Variants in CNTN5 observed in about 807,000 individuals in gnomAD.
CNTN5 encodes the protein contactin-5.
A neutral mutation model predicts 129.1 loss-of-function variants in CNTN5; 77 were observed. That is an observed-to-expected ratio of 0.60 (90% CI 0.50 to 0.72). The LOEUF (loss-of-function observed/expected upper bound fraction) is 0.72. Ranked by LOEUF, CNTN5 falls within the 30% of genes least tolerant of loss-of-function variation. The probability of loss-of-function intolerance (pLI) is 0.00; values close to 1 mark genes in which losing one functional copy is unlikely to be tolerated. For missense variants in CNTN5, 1,478 were observed against 1,328.8 expected (o/e 1.11, Z -1.75); for synonymous variants, 509 against 465.6 (o/e 1.09, Z -1.20).
chr11:99,423,359 C>T (rs961731376), intron 2 of CNTN5, among the ~76,000 whole-genome samples: 1 of 152,146 alleles, frequency 6.6e-6, no homozygotes, highest in Non-Finnish European at 1.5e-5. Flanking sequence ...AGATAGGAAC[C>T]TTATTTTCCA....
intron 1 of CNTN5, among the ~76,000 whole-genome samples, chr11:99,034,638 C>T (rs7396911): frequency 0.027 from 4,071 of 150,706 alleles, 259 homozygotes; most frequent in Admixed American, 0.15. Context: ...TTTTTTATTG[C>T]GTCTATTTGA....
At chr11:99,158,209 C>G (rs1171565315) in intron 1 of CNTN5, among the ~76,000 whole-genome samples, 1 of 152,068 alleles carries the variant, frequency 6.6e-6, no homozygotes, top group Non-Finnish European at 1.5e-5. Flanking sequence ...TGTTCAAAAC[C>G]GAGCTCTTGA....
chr11:99,358,508 C>G (rs1466156497), intron 2 of CNTN5, among the ~76,000 whole-genome samples: 1 of 151,178 alleles, frequency 6.6e-6, no homozygotes, highest in Non-Finnish European at 1.5e-5. Flanking sequence ...TTGCAGCCAG[C>G]CAAGATCGCG....
chr11:99,084,753 A>G (rs1865933421), intron 1 of CNTN5, among the ~76,000 whole-genome samples: 1 of 152,142 alleles, frequency 6.6e-6, no homozygotes, highest in Non-Finnish European at 1.5e-5. Flanking sequence ...AAAGTGCTCT[A>G]AGTTTTAGGA....
At chr11:99,221,372 C>T (rs1860389034) in intron 1 of CNTN5, among the ~76,000 whole-genome samples, 1 of 151,742 alleles carries the variant, frequency 6.6e-6, no homozygotes, top group Non-Finnish European at 1.5e-5. Flanking sequence ...CTTTAAAGTC[C>T]TATACTTTAG....
intron 3 of CNTN5, among the ~76,000 whole-genome samples, chr11:99,595,398 T>C (rs1950095601): frequency 6.6e-6 from 1 of 152,160 alleles, no homozygotes; most frequent in South Asian, 2.1e-4. Context: ...ATTTCCTTAG[T>C]ACCAATGATT....
chr11:99,427,156 G>T (rs986555267), intron 2 of CNTN5, among the ~76,000 whole-genome samples: 4 of 152,118 alleles, frequency 2.6e-5, no homozygotes, highest in African/African-American at 9.7e-5. Context: ...AAGAGTACAT[G>T]AATTATTTAA....
At chr11:100,133,191 A>G (rs1946427627) in intron 13 of CNTN5, among the ~76,000 whole-genome samples, 1 of 152,156 alleles carries the variant, frequency 6.6e-6, no homozygotes, top group African/African-American at 2.4e-5. Context: ...ATGAATAGCA[A>G]CTTACATATG....
chr11:99,162,793 T>A (rs1258890337), intron 1 of CNTN5, among the ~76,000 whole-genome samples: 1 of 152,188 alleles, frequency 6.6e-6, no homozygotes, highest in Non-Finnish European at 1.5e-5. Context: ...ATAAATGGAT[T>A]ACAATTTTTA....
At chr11:99,230,561 T>C (rs977664893) in intron 1 of CNTN5, among the ~76,000 whole-genome samples, 1 of 152,178 alleles carries the variant, frequency 6.6e-6, no homozygotes, top group Non-Finnish European at 1.5e-5. Context: ...ATAAAAGGTT[T>C]TGTCATATCA....
chr11:100,130,554 G>A (rs1379762650), intron 13 of CNTN5, among the ~76,000 whole-genome samples: 3 of 152,138 alleles, frequency 2.0e-5, no homozygotes, highest in Non-Finnish European at 4.4e-5. Flanking sequence ...GACATCACAA[G>A]GTTATCAAGC....
At chr11:100,206,780 T>A (rs1036099526) in intron 15 of CNTN5, among the ~76,000 whole-genome samples, 11 of 152,200 alleles carry the variant, frequency 7.2e-5, no homozygotes, top group African/African-American at 2.4e-4. Flanking sequence ...TACTAAACAA[T>A]AAATTTTTTT....
At chr11:99,455,996 CA>C (rs1381461611) in intron 2 of CNTN5, among the ~76,000 whole-genome samples, 1 of 152,092 alleles carries the variant, frequency 6.6e-6, no homozygotes, top group Non-Finnish European at 1.5e-5. Context: ...GGAGCTCTGT[CA>C]ACACAGGTCT....
intron 7 of CNTN5, among the ~76,000 whole-genome samples, chr11:99,945,212 C>A (rs1950527263): frequency 6.6e-6 from 1 of 151,974 alleles, no homozygotes; most frequent in Non-Finnish European, 1.5e-5. Flanking sequence ...AGTAAAACTA[C>A]TCCTAAACTG....
intron 18 of CNTN5, among the ~76,000 whole-genome samples, chr11:100,278,288 A>C (rs1413647261): frequency 6.6e-6 from 1 of 152,046 alleles, no homozygotes; most frequent in African/African-American, 2.4e-5. Context: ...AGTTTTGGCT[A>C]TTCTAGCTCT....
chr11:99,663,033 A>G (rs796551584), intron 3 of CNTN5, among the ~76,000 whole-genome samples: 3 of 152,360 alleles, frequency 2.0e-5, no homozygotes, highest in African/African-American at 7.2e-5. Flanking sequence ...TAAGAAACTC[A>G]TTAGTTCACA....
At chr11:99,436,283 T>G (rs947651106) in intron 2 of CNTN5, among the ~76,000 whole-genome samples, 33 of 152,074 alleles carry the variant, frequency 2.2e-4, no homozygotes, top group Non-Finnish European at 4.1e-4. Flanking sequence ...AGATAGAATT[T>G]CATAGGATGC....
chr11:99,902,596 CAA>C (rs929138069), intron 6 of CNTN5, among the ~76,000 whole-genome samples: 1 of 152,074 alleles, frequency 6.6e-6, no homozygotes, highest in African/African-American at 2.4e-5. Context: ...AAGCAAAAAT[CAA>C]AAGACTACTA....
intron 1 of CNTN5, among the ~76,000 whole-genome samples, chr11:99,139,971 C>G (rs1023310577): frequency 1.3e-5 from 2 of 152,030 alleles, no homozygotes; most frequent in African/African-American, 4.8e-5. Context: ...ATTATAATAG[C>G]TCTCATGATC....
Sources: gnomAD v4.1 joint callset for allele counts (sites outside exome capture counted in the v4.1 genomes callset) on GRCh38, gnomAD v4.1.1 for gene constraint, MANE v1.5 for transcripts, NCBI Gene and HGNC (gene_info 2026-07-23, HGNC 2026-07-21) for gene names.